Variants in LVRN observed in about 807,000 individuals in gnomAD.
LVRN encodes laeverin.
LVRN carries 99 observed loss-of-function variants against 111.4 expected under a neutral mutation model. The observed-to-expected ratio is 0.89, with a 90% CI of 0.76 to 1.05. LVRN has a LOEUF of 1.05. LVRN is among the 50% of genes least tolerant of loss of function. LVRN has a pLI of 0.00. For missense variants in LVRN, 1,414 were observed against 1,206.8 expected (o/e 1.17, Z -2.54); for synonymous variants, 488 against 449.5 (o/e 1.09, Z -1.08).
chr5:116,000,615 A>G lies in LVRN; in HGVS notation c.1604A>G (p.Tyr535Cys). The G allele has an allele frequency of 6.2e-7, 1 of 1,613,950 alleles. No individual in the cohort carries two copies. Among genetic ancestry groups the G allele is most frequent in the Non-Finnish European group, 8.5e-7 (1 of 1,179,916 alleles). ...ALKSYLKTFS[Y>C]SNAEQDDLWR... is the part of the protein sequence containing the mutation. ...CAGTCATATTTGAAGACATTTTCCTACTCAAACGCTGAGCAAGATGATCTA... is the reference window on the plus strand; with the variant it reads ...CAGTCATATTTGAAGACATTTTCCTGCTCAAACGCTGAGCAAGATGATCTA... The change falls in exon 9 of 20, where the codon TAC becomes TGC. Residue 535 changes from tyrosine to cysteine, a missense_variant. Transcript: ENST00000357872.
chr5:116,000,150 C>G (rs1748207794), intron 7 of LVRN, among the ~76,000 whole-genome samples: 1 of 152,128 alleles, frequency 6.6e-6, no homozygotes, highest in Non-Finnish European at 1.5e-5. Flanking sequence ...TTAAGGTGAA[C>G]CCTTTTGCTT....
In LVRN at chr5:115,981,489, A is replaced by G. The variant is rs372972711; in HGVS notation, c.696-1798A>G. The stretch of plus-strand genomic sequence containing the variant: ...AGTAGGTGTATATATGTGTGGGGGT[A>G]CATGAGATACTTTGATATAGGCATG... On this transcript the variant is annotated intron_variant, in intron 1 of 19. Coordinates refer to ENST00000357872, the MANE Select transcript of LVRN (RefSeq NM_173800.5). 9.9e-5 allele frequency among the ~76,000 whole-genome samples: 15 copies of G among 152,258 alleles called. No individual in the cohort carries two copies. In the East Asian group the frequency reaches 1.3e-3, roughly 14 times the overall value.
At chr5:115,968,978 G>A (rs1271539817) in intron 1 of LVRN, among the ~76,000 whole-genome samples, 2 of 152,192 alleles carry the variant, frequency 1.3e-5, no homozygotes, top group Non-Finnish European at 2.9e-5. Flanking sequence ...CAATAGCCCA[G>A]ATGAGGGCCC....
intron 1 of LVRN, among the ~76,000 whole-genome samples, chr5:115,970,022 GT>G (rs148994909): frequency 0.028 from 4,327 of 151,838 alleles, 212 homozygotes; most frequent in African/African-American, 0.099. Context: ...TGCACATTTT[GT>G]TGCTTCTTTA....
intron 14 of LVRN, among the ~76,000 whole-genome samples, chr5:116,012,051 A>G (rs1015294136): frequency 2.6e-5 from 4 of 152,098 alleles, no homozygotes; most frequent in African/African-American, 9.7e-5. Flanking sequence ...GTATGGGATG[A>G]TGTTAAATGA....
intron 6 of LVRN, chr5:115,995,641 A>G (rs55790902): frequency 6.6e-6 from 1 of 152,064 alleles, no homozygotes; most frequent in Non-Finnish European, 1.5e-5. Context: ...TGACGATAAC[A>G]ACAATAATAC....
intron 17 of LVRN, 40 bp downstream of exon 17, chr5:116,015,459 G>A: frequency 1.3e-6 from 2 of 1,495,330 alleles, no homozygotes; most frequent in Non-Finnish European, 1.8e-6. Context: ...TCTGTTATAG[G>A]AATTAAATTA....
chr5:116,007,089 A>C (rs1235202834), intron 13 of LVRN, among the ~76,000 whole-genome samples: 2 of 152,172 alleles, frequency 1.3e-5, no homozygotes, highest in Non-Finnish European at 2.9e-5. Flanking sequence ...CTGCTCCCAC[A>C]CTAAGCCAAG....
intron 6 of LVRN, among the ~76,000 whole-genome samples, chr5:115,998,298 T>C (rs1359921938): frequency 6.6e-6 from 1 of 152,230 alleles, no homozygotes; most frequent in East Asian, 1.9e-4. Flanking sequence ...TTTTGGTTTA[T>C]TTTCTTTCAA....
chr5:115,967,438 T>C lies in LVRN; in HGVS notation c.695+4126T>C, dbSNP rs369823715. ...CTTTTGCACCTTTGTCAAAAATCAGTTGGCCCCACTATTACTGGATTCTCT... is the reference window on the plus strand; with the variant it reads ...CTTTTGCACCTTTGTCAAAAATCAGCTGGCCCCACTATTACTGGATTCTCT... On this transcript the variant is annotated intron_variant, in intron 1 of 19. Coordinates refer to ENST00000357872, the MANE Select transcript of LVRN (RefSeq NM_173800.5). Among the ~76,000 whole-genome samples the C allele has an allele frequency of 2.6e-5, 4 of 152,244 alleles. No homozygotes were observed. The East Asian group carries it at 7.7e-4, about 29-fold the overall frequency.
rs1753519325 is a variant in LVRN, at chr5:115,979,539, C to A, written c.696-3748C>A. Among the ~76,000 whole-genome samples, 3 of 152,168 alleles carry A rather than the reference C, an allele frequency of 2.0e-5. No homozygotes were observed. The South Asian group carries it at 6.2e-4, about 32-fold the overall frequency. On this transcript the variant is annotated intron_variant, in intron 1 of 19. Transcript: ENST00000357872. ...TCATGTAGCTGAGAAGCCCAACAGG[C>A]ATACCCAGGTTCTCAAGGCCATTTA...
chr5:115,964,698 A>G (rs1753166102), intron 1 of LVRN, among the ~76,000 whole-genome samples: 1 of 152,046 alleles, frequency 6.6e-6, no homozygotes, highest in Admixed American at 6.5e-5. Flanking sequence ...TCAAGCTTGC[A>G]AATGTGGGAA....
intron 12 of LVRN, 93 bp from the exon 13 acceptor site, chr5:116,005,819 G>A (rs558817201): frequency 9.8e-7 from 1 of 1,017,696 alleles, no homozygotes; most frequent in Non-Finnish European, 1.6e-6. Context: ...GTGCTTTATA[G>A]GCAGCAGTAA....
In LVRN at chr5:115,962,641, C is replaced by T. The variant is rs200890347; in HGVS notation, c.24C>T (p.Gly8=). The change falls in exon 1 of 20, where the codon GGC becomes GGT. Residue 8 remains glycine (G), a synonymous_variant. Coordinates refer to ENST00000357872, the MANE Select transcript of LVRN (RefSeq NM_173800.5). MGPPSSS[G]FYVSRAVALL... Reference sequence around the variant, plus strand: ...CCATGGGGCCCCCTTCCAGCTCAGGCTTCTATGTGAGCCGCGCAGTGGCCC... The same window carrying T: ...CCATGGGGCCCCCTTCCAGCTCAGGTTTCTATGTGAGCCGCGCAGTGGCCC... 65 of 1,604,730 alleles carry T rather than the reference C, an allele frequency of 4.1e-5. No homozygotes were observed. The East Asian group carries it at 1.4e-3, about 35-fold the overall frequency.
intron 6 of LVRN, among the ~76,000 whole-genome samples, chr5:115,994,915 C>T (rs1299046191): frequency 6.6e-6 from 1 of 152,108 alleles, no homozygotes; most frequent in African/African-American, 2.4e-5. Flanking sequence ...TTTGCATCTT[C>T]TTCCCCTCCT....
intron 16 of LVRN, 137 bp downstream of exon 16, chr5:116,014,664 TA>T: frequency 2.9e-6 from 2 of 686,558 alleles, no homozygotes; most frequent in South Asian, 3.4e-5. Context: ...TCTTTTCAAA[TA>T]CCTTTTTTAA....
At chr5:116,015,953 A>G (rs573054516) in intron 18 of LVRN, among the ~76,000 whole-genome samples, 188 bp downstream of exon 18, 2 of 152,344 alleles carry the variant, frequency 1.3e-5, no homozygotes, top group South Asian at 4.1e-4. Flanking sequence ...ATGGAAGAGC[A>G]ATACATGAAC....
chr5:116,017,073 G>C (rs950456084), intron 18 of LVRN, among the ~76,000 whole-genome samples: 1 of 152,158 alleles, frequency 6.6e-6, no homozygotes, highest in South Asian at 2.1e-4. Context: ...GGGCTTTTGG[G>C]GATTTAAGGG....
At chr5:116,013,703 C>T (rs935880966) in intron 15 of LVRN, among the ~76,000 whole-genome samples, 3 of 152,128 alleles carry the variant, frequency 2.0e-5, no homozygotes, top group Admixed American at 6.6e-5. Context: ...TTGGCGCTTG[C>T]GTTTTCTGGA....
Sources: gnomAD v4.1 joint callset for allele counts (sites outside exome capture counted in the v4.1 genomes callset) on GRCh38, gnomAD v4.1.1 for gene constraint, MANE v1.5 for transcripts, NCBI Gene and HGNC (gene_info 2026-07-23, HGNC 2026-07-21) for gene names.